Variants in OXCT1 observed in about 807,000 individuals in gnomAD.
The protein encoded by OXCT1 is 3-oxoacid CoA-transferase 1, also known as succinyl-CoA:3-ketoacid coenzyme A transferase 1, mitochondrial.
Under a neutral mutation model 69.6 loss-of-function variants are expected in OXCT1, and 27 were observed. The ratio of observed to expected loss-of-function variants is 0.39; its 90% CI spans 0.29 to 0.54. OXCT1 has a LOEUF of 0.54. Ranked by LOEUF, OXCT1 falls within the 20% of genes least tolerant of loss-of-function variation. The pLI, the probability that OXCT1 is intolerant of heterozygous loss-of-function variation, is 0.72. For synonymous variants in OXCT1, 202 were observed against 217.8 expected (o/e 0.93, Z 0.64); for missense variants, 437 against 650.2 (o/e 0.67, Z 3.57).
intron 7 of OXCT1, among the ~76,000 whole-genome samples, chr5:41,809,437 G>A (rs1746853763): frequency 6.6e-6 from 1 of 151,946 alleles, no homozygotes; most frequent in South Asian, 2.1e-4. Context: ...AAAAACTGAA[G>A]TTTCTAAACC....
intron 16 of OXCT1, among the ~76,000 whole-genome samples, chr5:41,735,619 C>T (rs901904903): frequency 2.0e-5 from 3 of 152,160 alleles, no homozygotes; most frequent in African/African-American, 7.2e-5. Flanking sequence ...CATTACTGAA[C>T]AGCATCACAA....
intron 7 of OXCT1, among the ~76,000 whole-genome samples, chr5:41,826,396 TG>T (rs1747809346): frequency 6.6e-6 from 1 of 152,176 alleles, no homozygotes; most frequent in Admixed American, 6.5e-5. Flanking sequence ...TCATCATCAC[TG>T]GGTCAATGAG....
At chr5:41,767,250 A>C (rs1744649570) in intron 13 of OXCT1, among the ~76,000 whole-genome samples, 1 of 152,184 alleles carries the variant, frequency 6.6e-6, no homozygotes, top group Admixed American at 6.5e-5. Flanking sequence ...TTCTTTTAAA[A>C]AACCAAAAAA....
At chr5:41,803,333 C>CA (rs994416303) in intron 9 of OXCT1, among the ~76,000 whole-genome samples, 170 bp from the exon 10 acceptor site, 9 of 150,096 alleles carry the variant, frequency 6.0e-5, no homozygotes, top group Non-Finnish European at 1.0e-4. Context: ...TGTAATTTTT[C>CA]AAAAAAAAAG....
intron 7 of OXCT1, among the ~76,000 whole-genome samples, chr5:41,828,770 G>C (rs767121215): frequency 2.6e-5 from 4 of 152,112 alleles, no homozygotes; most frequent in Admixed American, 2.0e-4. Context: ...AAGAAATACT[G>C]AGTAATTTAA....
chr5:41,856,934 T>C (rs974742046), intron 3 of OXCT1, among the ~76,000 whole-genome samples: 1 of 152,170 alleles, frequency 6.6e-6, no homozygotes, highest in African/African-American at 2.4e-5. Context: ...CTACTCCTAG[T>C]ACCTGGCTAG....
In OXCT1 at chr5:41,754,460, C is replaced by T. The variant is rs1163996815; in HGVS notation, c.1339-4853G>A. ...GATACATGCTTGAGAAGATGGATACCCCATTCTCCACAGTGTGATTATTTC... is the reference window on the plus strand; with the variant it reads ...GATACATGCTTGAGAAGATGGATACTCCATTCTCCACAGTGTGATTATTTC... On this transcript the variant is annotated intron_variant, in intron 14 of 16. Coordinates refer to ENST00000196371, the MANE Select transcript of OXCT1 (RefSeq NM_000436.4). 3.9e-5 allele frequency among the ~76,000 whole-genome samples: 6 copies of T among 151,994 alleles called. No individual in the cohort carries two copies. The South Asian group carries it at 1.2e-3, about 32-fold the overall frequency.
At chr5:41,776,650 G>C (rs977408468) in intron 13 of OXCT1, among the ~76,000 whole-genome samples, 7 of 152,170 alleles carry the variant, frequency 4.6e-5, no homozygotes, top group Non-Finnish European at 8.8e-5. Context: ...TGTAGTAACT[G>C]AACTTTATTT....
chr5:41,851,286 G>A (rs1749161210), intron 4 of OXCT1, among the ~76,000 whole-genome samples: 3 of 152,094 alleles, frequency 2.0e-5, no homozygotes, highest in South Asian at 2.1e-4. Flanking sequence ...TCAAGTAGGT[G>A]GAATATTCTG....
chr5:41,787,556 TTAGCAGAGTATGAATA>T (rs1172370413), intron 13 of OXCT1, among the ~76,000 whole-genome samples: 1 of 147,964 alleles, frequency 6.8e-6, no homozygotes, highest in Non-Finnish European at 1.5e-5. Context: ...TCTCAAGTCT[TTAGCAGAGTATGAATA>T]TGTGCATATA....
intron 13 of OXCT1, among the ~76,000 whole-genome samples, chr5:41,770,946 C>A (rs1436232351): frequency 6.6e-6 from 1 of 152,160 alleles, no homozygotes; most frequent in Non-Finnish European, 1.5e-5. Context: ...AAAACCACAT[C>A]AAGTTTCTCT....
chr5:41,753,937 G>C (rs1259343416), intron 14 of OXCT1, among the ~76,000 whole-genome samples: 1 of 152,080 alleles, frequency 6.6e-6, no homozygotes, highest in African/African-American at 2.4e-5. Context: ...AAGCAGCACA[G>C]CTAGCAGAAG....
chr5:41,834,487 C>CAAAAAAAAAAAAAAAAAAA (rs1209653207), intron 7 of OXCT1, among the ~76,000 whole-genome samples: 3 of 75,106 alleles, frequency 4.0e-5, no homozygotes, highest in Non-Finnish European at 8.5e-5. Flanking sequence ...TGGAAACCCA[C>CAAAAAAAAAAAAAAAAAAA]AAAAAAAAAA....
chr5:41,806,712 C>T (rs1333233089), intron 8 of OXCT1, among the ~76,000 whole-genome samples: 1 of 152,056 alleles, frequency 6.6e-6, no homozygotes, highest in Admixed American at 6.6e-5. Context: ...GATGCTGGTG[C>T]CATGCTTCAC....
At chr5:41,732,565 T>C (rs1230299590) in intron 16 of OXCT1, among the ~76,000 whole-genome samples, 1 of 152,306 alleles carries the variant, frequency 6.6e-6, no homozygotes, top group South Asian at 2.1e-4. Context: ...CAAATATTGA[T>C]TGGGTTCTAG....
chr5:41,848,273 A>T (rs894036423), intron 5 of OXCT1, among the ~76,000 whole-genome samples: 4 of 151,780 alleles, frequency 2.6e-5, no homozygotes, highest in African/African-American at 9.7e-5. Flanking sequence ...CTGCTCAAGG[A>T]AATAAAAGAG....
At chr5:41,791,190 T>G (rs1234612410) in intron 13 of OXCT1, among the ~76,000 whole-genome samples, 5 of 152,102 alleles carry the variant, frequency 3.3e-5, no homozygotes, top group Non-Finnish European at 7.4e-5. Context: ...GTGCATCACA[T>G]ACAAAGAAGT....
At chr5:41,857,413 G>A (rs1749480904) in intron 3 of OXCT1, among the ~76,000 whole-genome samples, 1 of 152,010 alleles carries the variant, frequency 6.6e-6, no homozygotes, top group Non-Finnish European at 1.5e-5. Flanking sequence ...TCCTCTCCTG[G>A]CCTCACCATC....
chr5:41,780,389 T>C (rs919232219), intron 13 of OXCT1, among the ~76,000 whole-genome samples: 15 of 152,188 alleles, frequency 9.9e-5, no homozygotes, highest in Admixed American at 6.5e-4. Flanking sequence ...TGCCATTCAG[T>C]TTAAAAACTA....
Sources: gnomAD v4.1 joint callset for allele counts (sites outside exome capture counted in the v4.1 genomes callset) on GRCh38, gnomAD v4.1.1 for gene constraint, MANE v1.5 for transcripts, NCBI Gene and HGNC (gene_info 2026-07-23, HGNC 2026-07-21) for gene names.